The following C11orf65 variants were observed in gnomAD, a reference collection of about 807,000 sequenced individuals.
The protein encoded by C11orf65 is chromosome 11 open reading frame 65.
C11orf65 carries 38 observed loss-of-function variants against 35.3 expected under a neutral mutation model. That is an observed-to-expected ratio of 1.08 (90% CI 0.83 to 1.41). The LOEUF (loss-of-function observed/expected upper bound fraction) is 1.41, where lower values mean the gene tolerates loss of function less well. Ranked by LOEUF, C11orf65 falls within the 40% of genes most tolerant of loss-of-function variation. The pLI, the probability that C11orf65 is intolerant of heterozygous loss-of-function variation, is 0.00. For synonymous variants in C11orf65, 105 were observed against 114.4 expected (o/e 0.92, Z 0.53); for missense variants, 370 against 367.1 (o/e 1.01, Z -0.06).
chr11:108,370,178 C>T (rs548561579), intron 2 of C11orf65, among the ~76,000 whole-genome samples: 330 of 152,066 alleles, frequency 2.2e-3, no homozygotes, highest in African/African-American at 7.6e-3. Flanking sequence ...TATTCCTAAG[C>T]ACTTTGTTTT....
Position 108,433,578 on chromosome 11 carries a change from T to TCAAAACAAAACAAAACAAAA in C11orf65, c.82-1760_82-1741dup, listed in dbSNP as rs140429504. On this transcript the variant is annotated intron_variant, in intron 2 of 8. Coordinates refer to ENST00000393084, the MANE Select transcript of C11orf65 (RefSeq NM_152587.5). ...CTGGGTGACAGAGTGAGACTCCGTC[T>TCAAAACAAAACAAAACAAAA]CAAAACAAAACAAAACAAAACAAAA... 3.7e-3 allele frequency among the ~76,000 whole-genome samples: 551 copies of TCAAAACAAAACAAAACAAAA among 148,908 alleles called. 4 individuals are homozygous for TCAAAACAAAACAAAACAAAA. Among genetic ancestry groups the TCAAAACAAAACAAAACAAAA allele is most frequent in the South Asian group, 5.6e-3 (26 of 4,672 alleles).
intron 2 of C11orf65, among the ~76,000 whole-genome samples, chr11:108,352,291 A>T (rs1376914708): frequency 6.6e-6 from 1 of 152,238 alleles, no homozygotes; most frequent in South Asian, 2.1e-4. Context: ...AAAATATAGT[A>T]AGTCTCAGCA....
intron 2 of C11orf65, 100 bp from the exon 3 acceptor site, chr11:108,431,938 A>T: frequency 1.7e-6 from 1 of 576,988 alleles, no homozygotes. Context: ...GTACCATAAA[A>T]TAGATTTTTA....
At chr11:108,319,009 C>CT (rs2084990985) in intron 6 of C11orf65, among the ~76,000 whole-genome samples, 1 of 151,018 alleles carries the variant, frequency 6.6e-6, no homozygotes, top group African/African-American at 2.5e-5. Flanking sequence ...AACCCCATCT[C>CT]TACAAAAAAA....
intron 6 of C11orf65, among the ~76,000 whole-genome samples, chr11:108,316,753 CAAAAAAA>C (rs58165074): frequency 2.2e-4 from 16 of 72,428 alleles, no homozygotes; most frequent in Middle Eastern, 0.011. Context: ...ACTAAAAATA[CAAAAAAA>C]AAAAAAAAAA....
At chr11:108,359,358 C>T (rs1291799456) in intron 2 of C11orf65, among the ~76,000 whole-genome samples, 3 of 152,058 alleles carry the variant, frequency 2.0e-5, no homozygotes, top group Non-Finnish European at 2.9e-5. Context: ...GAGACTTTAA[C>T]ACCCCACTGT....
intron 2 of C11orf65, among the ~76,000 whole-genome samples, chr11:108,345,001 T>C (rs2088129526): frequency 6.6e-6 from 1 of 151,808 alleles, no homozygotes; most frequent in Non-Finnish European, 1.5e-5. Context: ...CCTGTCACCC[T>C]GTCTCCAAAA....
chr11:108,365,490 A>C lies in C11orf65; in HGVS notation c.226+27718T>G, dbSNP rs1555152080. 6.2e-7 allele frequency: 1 copy of C among 1,614,154 alleles called. No homozygotes were observed. Among genetic ancestry groups the C allele is most frequent in the East Asian group, 2.2e-5 (1 of 44,880 alleles). Reference sequence around the variant, plus strand: ...AAAATCTCAGCCGACTTTTCCCAGGATGGAAAGCTTGGGTGTGATCTTCAG... The same window carrying C: ...AAAATCTCAGCCGACTTTTCCCAGGCTGGAAAGCTTGGGTGTGATCTTCAG... On this transcript the variant is annotated intron_variant, in intron 2 of 3. Coordinates refer to the C11orf65 transcript ENST00000524755.
chr11:108,341,934 G>A (rs2136901306), intron 2 of C11orf65, among the ~76,000 whole-genome samples: 1 of 152,302 alleles, frequency 6.6e-6, no homozygotes, highest in Admixed American at 6.5e-5. Context: ...CCGAGGTGAA[G>A]ATGTATCTCT....
chr11:108,371,717 T>C (rs1420522916), intron 2 of C11orf65, among the ~76,000 whole-genome samples: 3 of 152,188 alleles, frequency 2.0e-5, no homozygotes. Context: ...TATACAAATA[T>C]GTCTTCAGAA....
intron 2 of C11orf65, among the ~76,000 whole-genome samples, chr11:108,351,877 C>G (rs564265804): frequency 6.6e-6 from 1 of 151,936 alleles, no homozygotes; most frequent in Non-Finnish European, 1.5e-5. Flanking sequence ...ACCTTTTTTT[C>G]CTTTTTTCTG....
At chr11:108,375,831 CAAT>C (rs1212829500) in intron 2 of C11orf65, among the ~76,000 whole-genome samples, 20 of 151,938 alleles carry the variant, frequency 1.3e-4, no homozygotes, top group Non-Finnish European at 1.5e-4. Context: ...GCAGGGGTTG[CAAT>C]ACTAGTCTCT....
At chr11:108,339,950 A>T (rs760103830) in intron 2 of C11orf65, among the ~76,000 whole-genome samples, 18 of 152,188 alleles carry the variant, frequency 1.2e-4, no homozygotes, top group Non-Finnish European at 2.1e-4. Context: ...TTTATTCAAT[A>T]AATGTGAATT....
chr11:108,315,018 G>T (rs909324750), intron 6 of C11orf65, among the ~76,000 whole-genome samples: 1 of 152,118 alleles, frequency 6.6e-6, no homozygotes, highest in Non-Finnish European at 1.5e-5. Context: ...ACTTTTCTCT[G>T]CATCTTGGAA....
At position 108,442,284 on chromosome 11, in the gene C11orf65, GA is replaced by G. The variant is rs569741149; in HGVS notation, c.82-10447del. On this transcript the variant is annotated intron_variant, in intron 2 of 8. Transcript: ENST00000393084. Reference sequence around the variant, plus strand: ...GAAGAGAAGTTTAGAGAAAAAAGAGGAAAAAGAACGAACAAAGCCTCTAAGA... The same window carrying G: ...GAAGAGAAGTTTAGAGAAAAAAGAGGAAAAGAACGAACAAAGCCTCTAAGA... 2.2e-3 allele frequency among the ~76,000 whole-genome samples: 338 copies of G among 152,176 alleles called. 3 individuals carry two copies. Among genetic ancestry groups the G allele is most frequent in the Admixed American group, 3.9e-3 (59 of 15,274 alleles).
intron 2 of C11orf65, among the ~76,000 whole-genome samples, chr11:108,357,119 A>T (rs917850166): frequency 6.6e-6 from 1 of 152,220 alleles, no homozygotes; most frequent in African/African-American, 2.4e-5. Flanking sequence ...AGGGCAAGGC[A>T]TTGCCTCACT....
At chr11:108,328,393 T>G (rs566666087), downstream of C11orf65, among the ~76,000 whole-genome samples, 1 of 152,048 alleles carries the variant, frequency 6.6e-6, no homozygotes, top group South Asian at 2.1e-4. Context: ...ACTACAGGAG[T>G]GTGCCACCAC....
intron 2 of C11orf65, among the ~76,000 whole-genome samples, chr11:108,442,197 G>A (rs188159196): frequency 5.7e-4 from 86 of 152,188 alleles, no homozygotes; most frequent in East Asian, 2.3e-3. Context: ...TTCAGTACCC[G>A]ATTCAATCAA....
intron 2 of C11orf65, chr11:108,368,288 CAAA>C (rs765253087): frequency 2.7e-3 from 261 of 96,802 alleles, no homozygotes; most frequent in East Asian, 4.7e-3. Flanking sequence ...GACTCTGCCT[CAAA>C]AAAAAAAAAA....
Sources: allele counts gnomAD v4.1 joint callset (sites outside exome capture counted in the v4.1 genomes callset), GRCh38; gene constraint gnomAD v4.1.1; transcripts MANE v1.5; gene names NCBI Gene and HGNC (gene_info 2026-07-23, HGNC 2026-07-21).